Variants in PCDHA6 observed in about 807,000 individuals in gnomAD.
The protein encoded by PCDHA6 is protocadherin alpha 6.
PCDHA6 carries 55 observed loss-of-function variants against 60.3 expected under a neutral mutation model. That is an observed-to-expected ratio of 0.91 (90% CI 0.73 to 1.14). The LOEUF (loss-of-function observed/expected upper bound fraction) is 1.14. Ranked by LOEUF, PCDHA6 falls within the 50% of genes most tolerant of loss-of-function variation. The pLI is 0.00. For missense variants in PCDHA6, 1,327 were observed against 1,256.5 expected, an observed-to-expected ratio of 1.06 and a Z score of -0.85; for synonymous variants, 652 against 557.9, an observed-to-expected ratio of 1.17 and a Z score of -2.38.
At chr5:140,912,209 G>T (rs1027468350) in intron 1 of PCDHA6, among the ~76,000 whole-genome samples, 8 of 152,158 alleles carry the variant, frequency 5.3e-5, no homozygotes, top group Non-Finnish European at 7.3e-5. Context: ...ATTGAGGGTA[G>T]ATCTGCCTTT....
chr5:140,876,493 C>T (rs1554168608), intron 1 of PCDHA6: 2 of 1,614,008 alleles, frequency 1.2e-6, no homozygotes, highest in Admixed American at 3.3e-5. Context: ...GGTGGAAGTT[C>T]TGGACGTGAA....
chr5:140,832,529 C>T (rs1417040137), intron 1 of PCDHA6, among the ~76,000 whole-genome samples: 1 of 152,170 alleles, frequency 6.6e-6, no homozygotes, highest in Non-Finnish European at 1.5e-5. Context: ...TGAAGATCAC[C>T]ATTTGTGTAG....
chr5:140,968,383 T>C, intron 1 of PCDHA6: 1 of 1,614,044 alleles, frequency 6.2e-7, no homozygotes. Context: ...CCTTTGACTA[T>C]GAGAAGTTTC....
intron 1 of PCDHA6, chr5:140,852,101 T>C (rs1297369324): frequency 1.1e-6 from 1 of 909,228 alleles, no homozygotes; most frequent in Non-Finnish European, 1.3e-6. Context: ...TGTCAGATAT[T>C]TTACAAGGTA....
intron 1 of PCDHA6, chr5:140,835,817 G>T (rs2150245565): frequency 1.9e-6 from 3 of 1,612,632 alleles, no homozygotes; most frequent in Admixed American, 1.7e-5. Flanking sequence ...TCACTGTGTC[G>T]GCGGGGGACG....
intron 1 of PCDHA6, among the ~76,000 whole-genome samples, chr5:140,938,685 C>CTT (rs1554212299): frequency 6.6e-6 from 1 of 151,964 alleles, no homozygotes; most frequent in African/African-American, 2.4e-5. Context: ...ATTTTCTTTA[C>CTT]AGTTTTTAAA....
intron 1 of PCDHA6, among the ~76,000 whole-genome samples, chr5:140,919,085 T>C (rs2078998041): frequency 1.3e-5 from 2 of 152,368 alleles, no homozygotes; most frequent in East Asian, 3.9e-4. Context: ...GACTATTGAA[T>C]TGTCTATTTC....
intron 3 of PCDHA6, among the ~76,000 whole-genome samples, chr5:140,999,590 C>T (rs951986017): frequency 3.3e-5 from 5 of 152,132 alleles, no homozygotes; most frequent in Non-Finnish European, 7.3e-5. Context: ...AAATTGCCTT[C>T]CCTACATCCT....
intron 1 of PCDHA6, chr5:140,835,670 C>A: frequency 6.2e-7 from 1 of 1,613,852 alleles, no homozygotes; most frequent in Non-Finnish European, 8.5e-7. Flanking sequence ...CCGCGCGGGA[C>A]GGGGGCTCGC....
intron 3 of PCDHA6, among the ~76,000 whole-genome samples, chr5:141,008,842 T>C (rs1554261951): frequency 6.6e-6 from 1 of 152,214 alleles, no homozygotes; most frequent in East Asian, 1.9e-4. Context: ...TCTTACGCTG[T>C]GTATTCCCAT....
intron 1 of PCDHA6, chr5:140,871,159 GC>G (rs1562658226): frequency 6.2e-7 from 1 of 1,613,450 alleles, no homozygotes; most frequent in Non-Finnish European, 8.5e-7. Flanking sequence ...GGCGGGCGCC[GC>G]GAGCCCAGAG....
intron 1 of PCDHA6, among the ~76,000 whole-genome samples, chr5:140,974,134 C>T (rs1212348196): frequency 1.3e-5 from 2 of 152,290 alleles, no homozygotes; most frequent in East Asian, 1.9e-4. Flanking sequence ...AATCTGCTAA[C>T]CTGAAAACTA....
chr5:140,969,225 C>G (rs782766938), intron 1 of PCDHA6: 13 of 1,614,118 alleles, frequency 8.1e-6, no homozygotes, highest in Admixed American at 1.7e-5. Flanking sequence ...CCAGGGCCTT[C>G]GGGAGCCCAA....
chr5:140,898,671 G>A lies in PCDHA6; in HGVS notation c.2394+68186G>A, dbSNP rs1419362877. 2.2e-4 allele frequency among the ~76,000 whole-genome samples: 33 copies of A among 152,200 alleles called. No homozygotes were observed. The East Asian group carries it at 2.3e-3, about 11-fold the overall frequency. On this transcript the variant is annotated intron_variant, in intron 1 of 3. Transcript: ENST00000529310. ...TGGCTTAGGATTGACTTGGTGTTGCGGGCTGTTTTTTGGTTCCATATGAAC... is the reference window on the plus strand; with the variant it reads ...TGGCTTAGGATTGACTTGGTGTTGCAGGCTGTTTTTTGGTTCCATATGAAC...
intron 1 of PCDHA6, among the ~76,000 whole-genome samples, chr5:140,962,850 G>T (rs2095713419): frequency 6.6e-6 from 1 of 152,104 alleles, no homozygotes; most frequent in African/African-American, 2.4e-5. Flanking sequence ...TATAACTTGT[G>T]CTCGGTTTGT....
intron 1 of PCDHA6, among the ~76,000 whole-genome samples, chr5:140,962,126 C>T (rs1429316991): frequency 6.6e-6 from 1 of 152,094 alleles, no homozygotes; most frequent in African/African-American, 2.4e-5. Flanking sequence ...ACCTTGGCCT[C>T]GGCCTCCCAA....
At chr5:140,897,762 A>G (rs572488219) in intron 1 of PCDHA6, among the ~76,000 whole-genome samples, 1 of 152,324 alleles carries the variant, frequency 6.6e-6, no homozygotes, top group East Asian at 1.9e-4. Flanking sequence ...AGGAATCGCC[A>G]CACTGACTTC....
intron 1 of PCDHA6, among the ~76,000 whole-genome samples, chr5:140,908,888 C>T (rs2074210125): frequency 1.3e-5 from 2 of 152,122 alleles, no homozygotes; most frequent in African/African-American, 4.8e-5. Flanking sequence ...CCAATAGTCC[C>T]AAATAAGCCT....
intron 1 of PCDHA6, chr5:140,842,359 C>G: frequency 6.2e-7 from 1 of 1,606,650 alleles, no homozygotes; most frequent in Non-Finnish European, 8.5e-7. Context: ...AAAATGATAA[C>G]GTCCCTGAGA....
Sources: allele counts gnomAD v4.1 joint callset (sites outside exome capture counted in the v4.1 genomes callset), GRCh38; gene constraint gnomAD v4.1.1; transcripts MANE v1.5; gene names NCBI Gene and HGNC (gene_info 2026-07-23, HGNC 2026-07-21).